The following SEC61G variants were observed in gnomAD, a reference collection of about 807,000 sequenced individuals.
The protein encoded by SEC61G is SEC61 translocon subunit gamma, also known as protein transport protein Sec61 subunit gamma.
SEC61G carries 4 observed loss-of-function variants against 7.5 expected under a neutral mutation model. That is an observed-to-expected ratio of 0.54 (90% CI 0.26 to 1.22). SEC61G has a LOEUF of 1.22. Ranked by LOEUF, SEC61G falls within the 50% of genes most tolerant of loss-of-function variation. The pLI, the probability that SEC61G is intolerant of heterozygous loss-of-function variation, is 0.12. For missense variants in SEC61G, 53 were observed against 84.6 expected (o/e 0.63, Z 1.46); for synonymous variants, 24 against 24.4 (o/e 0.98, Z 0.05).
chr7:54,755,171 C>T (rs1450696163), intron 3 of SEC61G: 2 of 152,170 alleles, frequency 1.3e-5, no homozygotes, highest in African/African-American at 2.4e-5. Context: ...TCCTAACATA[C>T]TTAAAAGTTA....
rs573267880 is a variant in SEC61G, at chr7:54,754,906, T to C, written c.197+873A>G. ...CAGTGCTTTTAATGGATACAAGCAC[T>C]GATACACCTGATATTATTATCAGGT... On this transcript the variant is annotated intron_variant, in intron 3 of 3. Coordinates refer to ENST00000352861, the MANE Select transcript of SEC61G (RefSeq NM_014302.4). The C allele has an allele frequency of 5.3e-5, 8 of 152,294 alleles. No individual in the cohort carries two copies. The East Asian group carries it at 9.7e-4, about 18-fold the overall frequency. 9.4% of individuals were successfully genotyped at this position (152,294 alleles called of 1,614,324 possible).
At chr7:54,757,276 A>G (rs935913692) in intron 2 of SEC61G, among the ~76,000 whole-genome samples, 6 of 152,168 alleles carry the variant, frequency 3.9e-5, no homozygotes, top group Non-Finnish European at 7.3e-5. Context: ...ATGGAACATA[A>G]GGCTGTAATA....
intron 3 of SEC61G, chr7:54,754,917 ATAT>A (rs1408089727): frequency 6.6e-5 from 10 of 152,240 alleles, no homozygotes; most frequent in Admixed American, 2.6e-4. Context: ...GATACACCTG[ATAT>A]TATTATCAGG....
intron 1 of SEC61G, 149 bp from the exon 2 acceptor site, chr7:54,757,743 T>A: frequency 1.7e-6 from 1 of 574,186 alleles, no homozygotes; most frequent in East Asian, 2.8e-5. Context: ...AAAAACAAAC[T>A]CCAAAGCCTA....
chr7:54,755,486 CAAAGAGGACTTA>C (rs1791495899), intron 3 of SEC61G: 1 of 206,172 alleles, frequency 4.9e-6, no homozygotes, highest in African/African-American at 2.3e-5. Context: ...GGTAACAGCA[CAAAGAGGACTTA>C]GGTTTCAATG....
chr7:54,757,356 G>A (rs1270934174), intron 2 of SEC61G, 139 bp downstream of exon 2: 7 of 636,400 alleles, frequency 1.1e-5, no homozygotes, highest in African/African-American at 1.8e-5. Context: ...AAGTGACAAC[G>A]TTAAAAAGCT....
chr7:54,759,140 C>T lies in SEC61G; in HGVS notation c.-7+18G>A. 3.9e-6 allele frequency: 2 copies of T among 518,402 alleles called. No homozygotes were observed. The highest frequency in any genetic ancestry group is 2.8e-5 in the South Asian group (2 of 71,512). 32.1% of individuals were successfully genotyped at this position (518,402 alleles called of 1,614,324 possible). On this transcript the variant is annotated intron_variant, in intron 1 of 3. Transcript: ENST00000352861. ...GGCCGCCCCGTTCGCCCGTACCGAC[C>T]GGTGGGAAGAAACTCACCTACCCAA...
At chr7:54,759,069 A>G in intron 1 of SEC61G, 89 bp downstream of exon 1, 1 of 430,492 alleles carries the variant, frequency 2.3e-6, no homozygotes. Flanking sequence ...CCGGGGAGAC[A>G]CGCCGGCTCG....
At chr7:54,757,680 A>G in intron 1 of SEC61G, 86 bp from the exon 2 acceptor site, 1 of 1,057,282 alleles carries the variant, frequency 9.5e-7, no homozygotes, top group Non-Finnish European at 1.4e-6. Context: ...AAATGAGACC[A>G]GCCACTGAAT....
Position 54,756,966 on chromosome 7 carries a change from T to A in SEC61G, c.94+529A>T, listed in dbSNP as rs566623998. Among the ~76,000 whole-genome samples, 6 of 140,086 alleles carry A rather than the reference T, an allele frequency of 4.3e-5. No homozygotes were observed. In the East Asian group the frequency reaches 1.0e-3, roughly 24 times the overall value. 91.9% of individuals were successfully genotyped at this position (140,086 alleles called of 152,430 possible). A position where few individuals can be genotyped will look rare whatever the true frequency, so the allele number is the denominator to read the frequency against. On this transcript the variant is annotated intron_variant, in intron 2 of 3. Coordinates refer to ENST00000352861, the MANE Select transcript of SEC61G (RefSeq NM_014302.4). ...ACTATACTATATATATACTATATAC[T>A]ATATATACTATATACTATATACTAT... is the stretch of plus-strand genomic sequence containing the variant.
chr7:54,759,021 G>C, intron 1 of SEC61G, 137 bp downstream of exon 1: 1 of 370,422 alleles, frequency 2.7e-6, no homozygotes, highest in South Asian at 1.9e-5. Context: ...CCGGCCCTGA[G>C]CCAGGGGACC....
In SEC61G at chr7:54,756,472, A is replaced by C. The variant is rs944690348; in HGVS notation, c.95-591T>G. Among the ~76,000 whole-genome samples the C allele has an allele frequency of 8.5e-5, 13 of 152,302 alleles. No homozygotes were observed. The East Asian group carries it at 1.7e-3, about 20-fold the overall frequency. ...GGAGTTTAAGACCAGCCTGGCCAAC[A>C]TGGTGAAACCCTGGCTCCACTAAAA... On this transcript the variant is annotated intron_variant, in intron 2 of 3. Transcript: ENST00000352861.
Position 54,759,173 on chromosome 7 carries a change from C to T in SEC61G, c.-22G>A, listed in dbSNP as rs1356136901. 1.9e-6 allele frequency: 1 copy of T among 519,048 alleles called. No individual in the cohort carries two copies. Among genetic ancestry groups the T allele is most frequent in the Non-Finnish European group, 3.8e-6 (1 of 259,862 alleles). 32.2% of individuals were successfully genotyped at this position (519,048 alleles called of 1,614,324 possible). On this transcript the variant is annotated 5_prime_UTR_variant, in exon 1 of 4. Coordinates refer to ENST00000352861, the MANE Select transcript of SEC61G (RefSeq NM_014302.4). ...AGAAACTCACCTACCCAACCGACAC[C>T]TAAAATGCCAGGGACACGTAGCACT...
intron 1 of SEC61G, 114 bp from the exon 2 acceptor site, chr7:54,757,708 C>CAGGT: frequency 1.4e-6 from 1 of 718,582 alleles, no homozygotes. Context: ...TAACATGGGT[C>CAGGT]AATTCCACCT....
chr7:54,758,546 G>A (rs555175426), intron 1 of SEC61G, among the ~76,000 whole-genome samples: 28 of 152,308 alleles, frequency 1.8e-4, no homozygotes, highest in African/African-American at 5.8e-4. Flanking sequence ...CAAAAACACA[G>A]TAATGTCTGT....
At chr7:54,757,813 T>C (rs1791549971) in intron 1 of SEC61G, among the ~76,000 whole-genome samples, 1 of 152,134 alleles carries the variant, frequency 6.6e-6, no homozygotes, top group South Asian at 2.1e-4. Flanking sequence ...AAAGCACAGA[T>C]CTTACTCATG....
At chr7:54,753,284 C>T (rs2464958) in intron 3 of SEC61G, among the ~76,000 whole-genome samples, 41,885 of 151,862 alleles carry the variant, frequency 0.28, 5,825 homozygotes, top group South Asian at 0.36. Context: ...CAGAGCAAGA[C>T]TCCATCTCAA....
intron 3 of SEC61G, chr7:54,755,563 A>T (rs1791497125): frequency 2.9e-6 from 1 of 340,638 alleles, no homozygotes; most frequent in Non-Finnish European, 5.2e-6. Context: ...GTAAAATTTT[A>T]TTTATTAAAG....
At chr7:54,755,709 A>G (rs1272275593) in intron 3 of SEC61G, 70 bp downstream of exon 3, 1 of 848,220 alleles carries the variant, frequency 1.2e-6, no homozygotes, top group Non-Finnish European at 1.9e-6. Context: ...TATTAACGAA[A>G]TAACAGCCTG....
Sources: allele counts gnomAD v4.1 joint callset (sites outside exome capture counted in the v4.1 genomes callset), GRCh38; gene constraint gnomAD v4.1.1; transcripts MANE v1.5; gene names NCBI Gene and HGNC (gene_info 2026-07-23, HGNC 2026-07-21).